Variants in CEP85 observed in about 807,000 individuals in gnomAD.
The protein encoded by CEP85 is centrosomal protein of 85 kDa.
Under a neutral mutation model 93.7 loss-of-function variants are expected in CEP85, and 58 were observed. The ratio of observed to expected loss-of-function variants is 0.62; its 90% CI spans 0.50 to 0.77. The LOEUF (loss-of-function observed/expected upper bound fraction) is 0.77, where lower values mean the gene tolerates loss of function less well. Among genes scored for constraint, CEP85 ranks in the 30% least tolerant of loss-of-function variants. CEP85 has a pLI of 0.00. For synonymous variants in CEP85, 314 were observed against 338.6 expected (o/e 0.93, Z 0.80); for missense variants, 868 against 922.0 (o/e 0.94, Z 0.76).
Position 26,276,557 on chromosome 1 carries a change from T to C in CEP85, c.1925T>C (p.Leu642Ser). 2 of 1,614,196 alleles carry C rather than the reference T, an allele frequency of 1.2e-6. No homozygotes were observed. The highest frequency in any genetic ancestry group is 1.7e-6 in the Non-Finnish European group (2 of 1,180,012). ...VKELSVQNQD[L>S]IEKNLTLQEH... is the part of the protein sequence containing the mutation. ...CAGCTTTCAGTGCAAAACCAGGACT[T>C]GATTGAGAAGAATCTGACACTCCAG... The change falls in exon 13 of 14, where the codon TTG becomes TCG. Residue 642 changes from leucine to serine, a missense_variant. Leu to Ser is a moderately radical substitution (Grantham distance 145). Coordinates refer to ENST00000451429, the MANE Select transcript of CEP85 (RefSeq NM_001319944.2).
chr1:26,259,738 T>A lies in CEP85; in HGVS notation c.1277T>A (p.Ile426Asn), dbSNP rs1180543413. ...LSASEVEVQLIRESLKVALQK... is the reference protein window; with the variant it reads ...LSASEVEVQLNRESLKVALQK... ...GCTTCTGAAGTTGAAGTCCAGCTCA[T>A]CAGAGAGTCGCTCAAAGTGGCGTTG... is the stretch of plus-strand genomic sequence containing the variant. The change falls in exon 7 of 14, where the codon ATC (isoleucine) becomes AAC (asparagine). Residue 426 changes from isoleucine (I) to asparagine (N), a missense_variant. Transcript: ENST00000451429. 1.2e-6 allele frequency: 2 copies of A among 1,613,884 alleles called. No individual in the cohort carries two copies. The highest frequency in any genetic ancestry group is 3.3e-5 in the Admixed American group (2 of 59,934).
rs949467354 is a variant in CEP85 at position 26,257,789 on chromosome 1, C to A, written c.1037+59C>A. 1.1e-5 allele frequency: 17 copies of A among 1,576,770 alleles called. No homozygotes were observed. The African/African-American group carries it at 1.8e-4, about 16-fold the overall frequency. ...ACTCTCCCAGGCCCCATTGAAGACA[C>A]CTAATGGAGTCTTCCCAAGGGCAAA... On this transcript the variant is annotated intron_variant, in intron 5 of 13. Transcript: ENST00000451429.
intron 2 of CEP85, among the ~76,000 whole-genome samples, chr1:26,242,968 A>T (rs980523645): frequency 6.6e-6 from 1 of 152,132 alleles, no homozygotes; most frequent in Non-Finnish European, 1.5e-5. Flanking sequence ...AATAAATCTC[A>T]TCAGTCTTTT....
intron 3 of CEP85, among the ~76,000 whole-genome samples, chr1:26,252,437 C>G (rs2089633642): frequency 6.6e-6 from 1 of 152,024 alleles, no homozygotes; most frequent in Non-Finnish European, 1.5e-5. Flanking sequence ...GAGGCTGAGG[C>G]AGGAGAATCG....
At chr1:26,277,077 C>T in intron 13 of CEP85, 59 bp from the exon 14 acceptor site, 1 of 1,546,298 alleles carries the variant, frequency 6.5e-7, no homozygotes, top group Non-Finnish European at 8.9e-7. Flanking sequence ...CATACTGCAC[C>T]CTCCACATGA....
At chr1:26,274,258 G>GAAC (rs2090021785) in intron 11 of CEP85, among the ~76,000 whole-genome samples, 2 of 152,048 alleles carry the variant, frequency 1.3e-5, no homozygotes, top group Admixed American at 6.6e-5. Flanking sequence ...CCATGTCTCT[G>GAAC]AACAGCATTT....
intron 9 of CEP85, 27 bp from the exon 10 acceptor site, chr1:26,270,987 G>A (rs771287430): frequency 7.6e-6 from 11 of 1,438,710 alleles, no homozygotes; most frequent in Admixed American, 1.7e-5. Context: ...TAACTTCAGA[G>A]TTCTTGAAGA....
At position 26,244,347 on chromosome 1, in the gene CEP85, AAT is replaced by A. The variant is rs757867401; in HGVS notation, c.208+32_208+33del. The A allele has an allele frequency of 1.1e-5, 18 of 1,596,060 alleles. No homozygotes were observed. In the Admixed American group the frequency reaches 3.0e-4, roughly 27 times the overall value. ...AGTTTGTATTAATGATTTGATTACC[AAT>A]ATGTGTTCTCATTTTCAGATTGCAT... On this transcript the variant is annotated intron_variant, in intron 3 of 13. Transcript: ENST00000451429.
At chr1:26,275,179 G>A in intron 12 of CEP85, 108 bp downstream of exon 12, 1 of 761,836 alleles carries the variant, frequency 1.3e-6, no homozygotes, top group Non-Finnish European at 2.2e-6. Flanking sequence ...GAAAGGGAAA[G>A]GTCCCTACTG....
rs2089675789 is a variant in CEP85 at position 26,255,154 on chromosome 1, G to A, written c.209-17G>A. 1.2e-6 allele frequency: 2 copies of A among 1,604,154 alleles called. No individual in the cohort carries two copies. Among genetic ancestry groups the A allele is most frequent in the Non-Finnish European group, 1.7e-6 (2 of 1,172,544 alleles). ...GCTACTTCAATTTTTACTTATGGAA[G>A]ACTATTCTCTCCCCAGATTTTTGCA... On this transcript the variant is annotated splice_polypyrimidine_tract_variant and intron_variant, in intron 3 of 13. Coordinates refer to ENST00000451429, the MANE Select transcript of CEP85 (RefSeq NM_001319944.2).
chr1:26,240,682 G>T (rs2089407650), intron 2 of CEP85, among the ~76,000 whole-genome samples: 1 of 152,106 alleles, frequency 6.6e-6, no homozygotes, highest in Non-Finnish European at 1.5e-5. Flanking sequence ...ATCACCTGAG[G>T]TCAGGAGTTT....
intron 7 of CEP85, among the ~76,000 whole-genome samples, chr1:26,267,450 G>A (rs776170973): frequency 1.2e-4 from 18 of 152,148 alleles, no homozygotes; most frequent in Non-Finnish European, 2.4e-4. Flanking sequence ...TGTAATCCCA[G>A]CTACTCGGGA....
chr1:26,275,791 T>C (rs1318140216), intron 12 of CEP85, among the ~76,000 whole-genome samples: 1 of 152,106 alleles, frequency 6.6e-6, no homozygotes, highest in Non-Finnish European at 1.5e-5. Flanking sequence ...CATGGCCCAG[T>C]GTGGGTGGAG....
intron 6 of CEP85, 32 bp from the exon 7 acceptor site, chr1:26,259,585 G>GA (rs2089774330): frequency 6.4e-7 from 1 of 1,573,402 alleles, no homozygotes; most frequent in Non-Finnish European, 8.6e-7. Flanking sequence ...TAAGGGTAGA[G>GA]AACAGTTACA....
chr1:26,267,862 T>C (rs1271821063), intron 7 of CEP85, among the ~76,000 whole-genome samples: 23 of 152,138 alleles, frequency 1.5e-4, no homozygotes, highest in Admixed American at 1.2e-3. Flanking sequence ...TTCTGAGTCA[T>C]AGTATTGGCA....
chr1:26,275,122 C>A, intron 12 of CEP85, 51 bp downstream of exon 12: 2 of 1,362,978 alleles, frequency 1.5e-6, no homozygotes, highest in Non-Finnish European at 2.0e-6. Flanking sequence ...AACCCGATTT[C>A]TTTGTTTGCC....
intron 12 of CEP85, among the ~76,000 whole-genome samples, chr1:26,275,956 G>A (rs1238347991): frequency 6.6e-6 from 1 of 152,238 alleles, no homozygotes; most frequent in Non-Finnish European, 1.5e-5. Flanking sequence ...CTCCACTGAG[G>A]TGAGAGTTTG....
At chr1:26,263,440 C>T (rs571111456) in intron 7 of CEP85, 18 of 159,844 alleles carry the variant, frequency 1.1e-4, no homozygotes, top group African/African-American at 3.6e-4. Context: ...GGATGGTTCC[C>T]GGGAAGCAAA....
intron 3 of CEP85, among the ~76,000 whole-genome samples, chr1:26,253,334 A>G (rs961589831): frequency 1.3e-5 from 2 of 149,852 alleles, no homozygotes; most frequent in African/African-American, 2.5e-5. Flanking sequence ...ATTCCCCCCA[A>G]CTGTGTACTA....
Sources: gnomAD v4.1 joint callset for allele counts (sites outside exome capture counted in the v4.1 genomes callset) on GRCh38, gnomAD v4.1.1 for gene constraint, MANE v1.5 for transcripts, NCBI Gene and HGNC (gene_info 2026-07-23, HGNC 2026-07-21) for gene names.